Variants in LUC7L observed in about 807,000 individuals in gnomAD.
LUC7L encodes the protein putative RNA-binding protein Luc7-like 1.
In LUC7L, 29 loss-of-function variants were observed where a neutral mutation model predicts 51.1. The ratio of observed to expected loss-of-function variants is 0.57; its 90% CI spans 0.42 to 0.77. LUC7L has a LOEUF of 0.77. Ranked by LOEUF, LUC7L falls within the 30% of genes least tolerant of loss-of-function variation. The pLI is 0.00. For synonymous variants in LUC7L, 181 were observed against 180.7 expected (o/e 1.00, Z -0.01); for missense variants, 403 against 511.9 (o/e 0.79, Z 2.05).
intron 1 of LUC7L, chr16:227,759 C>G (rs1364407553): frequency 2.0e-6 from 2 of 1,005,390 alleles, no homozygotes; most frequent in Non-Finnish European, 2.4e-6. Context: ...TTGTTATGAA[C>G]AAATGCAGAG....
At chr16:228,838 A>C (rs1267153319) in intron 1 of LUC7L, 11 of 1,294,564 alleles carry the variant, frequency 8.5e-6, no homozygotes, top group Non-Finnish European at 1.1e-5. Flanking sequence ...ACAGAACCAG[A>C]GCGGGCCAGG....
intron 3 of LUC7L, among the ~76,000 whole-genome samples, chr16:212,217 C>T (rs546571538): frequency 8.5e-5 from 13 of 152,082 alleles, no homozygotes; most frequent in Non-Finnish European, 1.5e-4. Context: ...CACTTGAACT[C>T]GGGAGGCGGA....
intron 2 of LUC7L, among the ~76,000 whole-genome samples, chr16:222,069 T>G (rs1330697145): frequency 6.6e-6 from 1 of 152,178 alleles, no homozygotes; most frequent in Non-Finnish European, 1.5e-5. Context: ...CAAAATGATT[T>G]ATGTTGTCAG....
At chr16:194,217 A>C (rs1426627653) in intron 6 of LUC7L, among the ~76,000 whole-genome samples, 1 of 151,796 alleles carries the variant, frequency 6.6e-6, no homozygotes, top group Non-Finnish European at 1.5e-5. Flanking sequence ...AAGCCTCTTT[A>C]GCTCCGCCTC....
At chr16:201,257 A>AC (rs2049319008) in intron 5 of LUC7L, among the ~76,000 whole-genome samples, 1 of 151,040 alleles carries the variant, frequency 6.6e-6, no homozygotes, top group South Asian at 2.1e-4. Context: ...AAAAAAAAAA[A>AC]AAAAAAAAAC....
chr16:223,675 CTTTT>C (rs113627667), intron 2 of LUC7L, among the ~76,000 whole-genome samples: 3 of 143,700 alleles, frequency 2.1e-5, no homozygotes, highest in Non-Finnish European at 3.1e-5. Context: ...TCTGTTTTTT[CTTTT>C]TTTTTTTTGA....
intron 5 of LUC7L, among the ~76,000 whole-genome samples, chr16:202,044 A>G (rs898704337): frequency 2.0e-5 from 3 of 151,636 alleles, no homozygotes; most frequent in African/African-American, 7.3e-5. Context: ...GTGCCCGGCC[A>G]TATTTTTAAT....
chr16:189,381 C>T, intron 9 of LUC7L, 42 bp from the exon 10 acceptor site: 2 of 1,576,102 alleles, frequency 1.3e-6, no homozygotes, highest in Non-Finnish European at 8.6e-7. Context: ...GCTGCTGCCC[C>T]CCTTCTGCTG....
intron 3 of LUC7L, among the ~76,000 whole-genome samples, chr16:213,427 C>T (rs978769544): frequency 2.6e-5 from 4 of 151,802 alleles, no homozygotes; most frequent in African/African-American, 9.7e-5. Flanking sequence ...GGAGACACAG[C>T]GTCATCTTGT....
intron 2 of LUC7L, among the ~76,000 whole-genome samples, chr16:225,150 CACT>C (rs1355857113): frequency 6.6e-6 from 1 of 152,102 alleles, no homozygotes; most frequent in Non-Finnish European, 1.5e-5. Flanking sequence ...ACTGGTCTAA[CACT>C]ACTGACCAGG....
chr16:221,384 G>A (rs1038378170), intron 2 of LUC7L, among the ~76,000 whole-genome samples: 1 of 151,932 alleles, frequency 6.6e-6, no homozygotes. Context: ...TCAGTAAATG[G>A]CAGCATGTGG....
At chr16:220,775 C>T in intron 2 of LUC7L, 28 bp from the exon 3 acceptor site, 2 of 1,456,598 alleles carry the variant, frequency 1.4e-6, no homozygotes, top group Non-Finnish European at 9.6e-7. Context: ...AAAATGCAGA[C>T]CTCAGTGCCT....
intron 1 of LUC7L, chr16:228,120 G>A: frequency 1.7e-6 from 2 of 1,148,226 alleles, no homozygotes; most frequent in Non-Finnish European, 2.2e-6. Context: ...AGGTAAAGTG[G>A]TATGTGACAA....
At chr16:208,015 A>T in intron 4 of LUC7L, 63 bp downstream of exon 4, 1 of 1,196,606 alleles carries the variant, frequency 8.4e-7, no homozygotes, top group South Asian at 1.3e-5. Context: ...TCTCAAAAAA[A>T]AAAGCTATTG....
intron 2 of LUC7L, among the ~76,000 whole-genome samples, chr16:222,226 G>A (rs1182172081): frequency 6.6e-6 from 1 of 151,700 alleles, no homozygotes; most frequent in Non-Finnish European, 1.5e-5. Flanking sequence ...AGGTTTGTGT[G>A]CTGAGGATCA....
At chr16:212,432 T>G (rs2049670477) in intron 3 of LUC7L, among the ~76,000 whole-genome samples, 1 of 152,176 alleles carries the variant, frequency 6.6e-6, no homozygotes, top group South Asian at 2.1e-4. Context: ...GACCTGCACT[T>G]CATCCTCACA....
At chr16:219,518 A>G (rs1001687334) in intron 3 of LUC7L, among the ~76,000 whole-genome samples, 2 of 152,190 alleles carry the variant, frequency 1.3e-5, no homozygotes, top group African/African-American at 4.8e-5. Flanking sequence ...CAATTCACTT[A>G]CAGTCAGCTA....
intron 5 of LUC7L, among the ~76,000 whole-genome samples, chr16:205,177 A>T (rs996746540): frequency 6.6e-6 from 1 of 152,176 alleles, no homozygotes; most frequent in Admixed American, 6.6e-5. Flanking sequence ...AAGCGTTTGC[A>T]TGTAGCCTCT....
intron 3 of LUC7L, among the ~76,000 whole-genome samples, chr16:210,735 G>C (rs977074918): frequency 2.0e-5 from 3 of 152,184 alleles, no homozygotes; most frequent in Admixed American, 6.5e-5. Flanking sequence ...ATTGGCTATG[G>C]ACTCAGATGT....
Sources: allele counts gnomAD v4.1 joint callset (sites outside exome capture counted in the v4.1 genomes callset), GRCh38; gene constraint gnomAD v4.1.1; transcripts MANE v1.5; gene names NCBI Gene and HGNC (gene_info 2026-07-23, HGNC 2026-07-21).